Variants in UGT1A8 observed in about 807,000 individuals in gnomAD.
UGT1A8 encodes the protein UDP-glucuronosyltransferase 1A8.
In UGT1A8, 39 loss-of-function variants were observed where a neutral mutation model predicts 45.3. The observed-to-expected ratio is 0.86, with a 90% CI of 0.67 to 1.12. The LOEUF (loss-of-function observed/expected upper bound fraction) is 1.12. UGT1A8 is among the 50% of genes most tolerant of loss of function. The pLI, the probability that UGT1A8 is intolerant of heterozygous loss-of-function variation, is 0.00. For synonymous variants in UGT1A8, 275 were observed against 249.2 expected (o/e 1.10, Z -0.97); for missense variants, 719 against 664.9 (o/e 1.08, Z -0.90).
At chr2:233,623,421 C>T (rs1331064496) in intron 1 of UGT1A8, among the ~76,000 whole-genome samples, 2 of 152,076 alleles carry the variant, frequency 1.3e-5, no homozygotes, top group Admixed American at 6.5e-5. Flanking sequence ...GTTTGTAGTT[C>T]TCCTTGAAGA....
intron 1 of UGT1A8, among the ~76,000 whole-genome samples, chr2:233,678,468 G>C (rs1475716504): frequency 1.3e-5 from 2 of 152,198 alleles, no homozygotes; most frequent in Admixed American, 1.3e-4. Context: ...GGAGGCAGGA[G>C]AGGCAGGTGC....
intron 1 of UGT1A8, chr2:233,636,686 T>C: frequency 6.2e-7 from 1 of 1,614,146 alleles, no homozygotes; most frequent in Admixed American, 1.7e-5. Flanking sequence ...GGGCATGAGG[T>C]GGTTGTAGTC....
chr2:233,757,027 T>C (rs1022147846), intron 1 of UGT1A8, among the ~76,000 whole-genome samples: 2 of 151,348 alleles, frequency 1.3e-5, no homozygotes, highest in African/African-American at 4.9e-5. Context: ...ACAAAGCAAT[T>C]TGAGAACATC....
At chr2:233,656,959 A>G (rs1439673512) in intron 1 of UGT1A8, among the ~76,000 whole-genome samples, 1 of 151,862 alleles carries the variant, frequency 6.6e-6, no homozygotes, top group African/African-American at 2.4e-5. Flanking sequence ...TCTTCCTGAA[A>G]CAGGTGAGCC....
intron 1 of UGT1A8, among the ~76,000 whole-genome samples, chr2:233,763,949 C>T (rs1698436640): frequency 6.6e-6 from 1 of 152,024 alleles, no homozygotes; most frequent in African/African-American, 2.4e-5. Flanking sequence ...AGCTTGGGAG[C>T]AGGGAAGGTT....
intron 1 of UGT1A8, chr2:233,692,374 T>C (rs932827804): frequency 6.5e-6 from 1 of 155,020 alleles, no homozygotes. Flanking sequence ...TAGCAAATGA[T>C]TGACTCCAAG....
At chr2:233,662,816 A>C (rs1177321663) in intron 1 of UGT1A8, among the ~76,000 whole-genome samples, 1 of 110,870 alleles carries the variant, frequency 9.0e-6, no homozygotes, top group African/African-American at 3.8e-5. Context: ...GTTTGCTGAG[A>C]GTTTTTTTTT....
intron 1 of UGT1A8, among the ~76,000 whole-genome samples, chr2:233,758,886 A>G (rs1359605259): frequency 6.6e-6 from 1 of 152,236 alleles, no homozygotes; most frequent in African/African-American, 2.4e-5. Context: ...TCCATGGTCA[A>G]TAAATACAAA....
At chr2:233,720,555 T>C (rs1276086879) in intron 1 of UGT1A8, among the ~76,000 whole-genome samples, 1 of 152,144 alleles carries the variant, frequency 6.6e-6, no homozygotes, top group Non-Finnish European at 1.5e-5. Flanking sequence ...CAAGTTTCTA[T>C]AGTGGGATCT....
intron 1 of UGT1A8, chr2:233,743,719 G>A (rs757280255): frequency 2.2e-6 from 3 of 1,367,368 alleles, no homozygotes; most frequent in East Asian, 9.1e-5. Context: ...CGCCATAGCG[G>A]TCATAGATAT....
chr2:233,754,024 C>G (rs763970261), intron 1 of UGT1A8, among the ~76,000 whole-genome samples: 2 of 152,198 alleles, frequency 1.3e-5, no homozygotes, highest in Non-Finnish European at 2.9e-5. Context: ...TGATAGGAAA[C>G]GAATGCATCC....
chr2:233,757,065 T>C (rs1273460805), intron 1 of UGT1A8, among the ~76,000 whole-genome samples: 1 of 151,244 alleles, frequency 6.6e-6, no homozygotes, highest in Non-Finnish European at 1.5e-5. Flanking sequence ...CAGCAAGGGA[T>C]CCAGAATGGC....
At chr2:233,685,378 C>G (rs1334317900) in intron 1 of UGT1A8, among the ~76,000 whole-genome samples, 1 of 152,104 alleles carries the variant, frequency 6.6e-6, no homozygotes, top group Non-Finnish European at 1.5e-5. Flanking sequence ...TTCCACTTTT[C>G]TTGACTTGTT....
At chr2:233,721,420 A>G (rs2076943855) in intron 1 of UGT1A8, 1 of 156,132 alleles carries the variant, frequency 6.4e-6, no homozygotes, top group Admixed American at 6.5e-5. Context: ...AGGTACCCTA[A>G]GCATTGTGGT....
chr2:233,700,690 A>T (rs369604728), intron 1 of UGT1A8, among the ~76,000 whole-genome samples: 121 of 152,202 alleles, frequency 7.9e-4, no homozygotes, highest in African/African-American at 2.8e-3. Context: ...TAATATATAA[A>T]CTACACTTTG....
intron 1 of UGT1A8, chr2:233,672,110 T>C: frequency 6.2e-7 from 1 of 1,614,178 alleles, no homozygotes; most frequent in Non-Finnish European, 8.5e-7. Context: ...GTTGTAGTCA[T>C]GCCAGAGGTG....
chr2:233,699,892 C>T (rs566030513), intron 1 of UGT1A8, among the ~76,000 whole-genome samples: 3 of 152,224 alleles, frequency 2.0e-5, no homozygotes, highest in South Asian at 2.1e-4. Flanking sequence ...ATTGGAGAGG[C>T]GAAATAGTCA....
At chr2:233,693,117 A>T in intron 1 of UGT1A8, 1 of 1,614,178 alleles carries the variant, frequency 6.2e-7, no homozygotes, top group Non-Finnish European at 8.5e-7. Context: ...GACGGAAGCC[A>T]CTGGCTTAGT....
intron 1 of UGT1A8, chr2:233,754,945 G>A (rs1342760083): frequency 7.5e-7 from 1 of 1,327,414 alleles, no homozygotes; most frequent in Admixed American, 1.9e-5. Flanking sequence ...AAGGAGAATG[G>A]GTCCCGGCCG....
Sources: gnomAD v4.1 joint callset for allele counts (sites outside exome capture counted in the v4.1 genomes callset) on GRCh38, gnomAD v4.1.1 for gene constraint, MANE v1.5 for transcripts, NCBI Gene and HGNC (gene_info 2026-07-23, HGNC 2026-07-21) for gene names.